The following MOB1B variants were observed in gnomAD, a reference collection of about 807,000 sequenced individuals.
The protein encoded by MOB1B is MOB1 Mps One Binder homolog B.
MOB1B carries 19 observed loss-of-function variants against 24.4 expected under a neutral mutation model. That is an observed-to-expected ratio of 0.78 (90% CI 0.54 to 1.14). The LOEUF is 1.14. Ranked by LOEUF, MOB1B falls within the 50% of genes most tolerant of loss-of-function variation. The pLI, the probability that MOB1B is intolerant of heterozygous loss-of-function variation, is 0.00. For missense variants in MOB1B, 243 were observed against 259.6 expected, an observed-to-expected ratio of 0.94 and a Z score of 0.44; for synonymous variants, 76 against 82.1, an observed-to-expected ratio of 0.93 and a Z score of 0.40.
At chr4:70,905,143 G>T (rs192793328) in intron 1 of MOB1B, among the ~76,000 whole-genome samples, 1 of 152,200 alleles carries the variant, frequency 6.6e-6, no homozygotes, top group East Asian at 1.9e-4. Context: ...AAAATCCAAA[G>T]TGAACACCAC....
chr4:70,906,505 A>G (rs540087255), intron 1 of MOB1B, among the ~76,000 whole-genome samples: 27 of 152,362 alleles, frequency 1.8e-4, no homozygotes, highest in African/African-American at 6.5e-4. Context: ...CTGAACATCA[A>G]TAAATCATGT....
chr4:70,978,667 A>C (rs1324424510), intron 4 of MOB1B, among the ~76,000 whole-genome samples: 1 of 152,248 alleles, frequency 6.6e-6, no homozygotes, highest in Non-Finnish European at 1.5e-5. Flanking sequence ...ATTTCAGGAC[A>C]AATGTAGACC....
rs774891305 is a variant in MOB1B at position 70,979,311 on chromosome 4, C to G, written c.573+20C>G. 1 of 1,595,386 alleles carries G rather than the reference C, an allele frequency of 6.3e-7. No homozygotes were observed. The highest frequency in any genetic ancestry group is 8.6e-7 in the Non-Finnish European group (1 of 1,166,360). On this transcript the variant is annotated intron_variant, in intron 5 of 5. Coordinates refer to ENST00000309395, the MANE Select transcript of MOB1B (RefSeq NM_173468.4). ...GTCCAGGTAAGTTGGATTAGGAGGC[C>G]TTTGGTGCTCAGGGTAAGCATTTAT...
chr4:70,971,670 A>G (rs1026364016), intron 3 of MOB1B, among the ~76,000 whole-genome samples: 7 of 152,270 alleles, frequency 4.6e-5, no homozygotes, highest in African/African-American at 1.4e-4. Context: ...TCTTGCCAGT[A>G]TTACTGGTGT....
At chr4:70,924,653 C>T (rs1418233420) in intron 1 of MOB1B, among the ~76,000 whole-genome samples, 1 of 152,164 alleles carries the variant, frequency 6.6e-6, no homozygotes, top group East Asian at 1.9e-4. Flanking sequence ...CACCAGCAGG[C>T]CACAGTGTGT....
rs546715389 is a variant in MOB1B at position 70,908,421 on chromosome 4, G to T, written c.14+5871G>T. On this transcript the variant is annotated intron_variant, in intron 1 of 5. Coordinates refer to ENST00000309395, the MANE Select transcript of MOB1B (RefSeq NM_173468.4). ...ACAGATGGATTGGGAAAAGAAGGAA[G>T]AAAGGAAGGAAATACTTACTGAGCA... 1.5e-4 allele frequency among the ~76,000 whole-genome samples: 23 copies of T among 151,156 alleles called. 1 individual carries two copies. In the South Asian group the frequency reaches 3.4e-3, roughly 22 times the overall value.
chr4:70,941,004 A>G (rs1737311244), intron 1 of MOB1B, among the ~76,000 whole-genome samples: 1 of 152,184 alleles, frequency 6.6e-6, no homozygotes. Context: ...CTTTTAATGT[A>G]TCTCAGCTTT....
chr4:70,913,937 ATG>A (rs924008803), intron 1 of MOB1B, among the ~76,000 whole-genome samples: 2 of 151,258 alleles, frequency 1.3e-5, no homozygotes, highest in African/African-American at 4.9e-5. Context: ...TTTAATACCA[ATG>A]TGTGCTGTGA....
chr4:70,951,679 C>T (rs1737812686), intron 1 of MOB1B, among the ~76,000 whole-genome samples: 1 of 152,224 alleles, frequency 6.6e-6, no homozygotes, highest in South Asian at 2.1e-4. Flanking sequence ...GAGGGGATTG[C>T]TTGAGCCTAG....
chr4:70,923,153 A>G (rs769581227), intron 1 of MOB1B, among the ~76,000 whole-genome samples: 4 of 152,128 alleles, frequency 2.6e-5, no homozygotes, highest in Admixed American at 6.5e-5. Context: ...TTTTCCCATT[A>G]AACAGTAAGC....
In MOB1B at chr4:70,902,486, C is replaced by T; in HGVS notation, c.-51C>T. Reference sequence around the variant, plus strand: ...CTTTCCTCTTCTTTCCTGGCCCACGCCGCTCCGAGGCCTCGCGACCGCCGA... The same window carrying T: ...CTTTCCTCTTCTTTCCTGGCCCACGTCGCTCCGAGGCCTCGCGACCGCCGA... On this transcript the variant is annotated 5_prime_UTR_variant, in exon 1 of 6. Coordinates refer to ENST00000309395, the MANE Select transcript of MOB1B (RefSeq NM_173468.4). The T allele has an allele frequency of 6.5e-7, 1 of 1,549,138 alleles. No individual in the cohort carries two copies. The highest frequency in any genetic ancestry group is 1.4e-5 in the African/African-American group (1 of 73,274).
chr4:70,956,643 G>A (rs1003511428), intron 1 of MOB1B, among the ~76,000 whole-genome samples: 3 of 151,634 alleles, frequency 2.0e-5, no homozygotes, highest in Admixed American at 6.6e-5. Flanking sequence ...TGCCCAGATT[G>A]GCCTGGGCTC....
At chr4:70,939,435 C>G (rs183711698) in intron 1 of MOB1B, among the ~76,000 whole-genome samples, 2 of 152,288 alleles carry the variant, frequency 1.3e-5, no homozygotes, top group Non-Finnish European at 2.9e-5. Context: ...ATCTCACACC[C>G]GTAATCACAG....
intron 1 of MOB1B, chr4:70,950,772 G>T (rs947210205): frequency 1.4e-5 from 21 of 1,534,170 alleles, no homozygotes; most frequent in Non-Finnish European, 1.8e-5. Context: ...TGTAGTGTTG[G>T]ACTTAGACCT....
intron 1 of MOB1B, among the ~76,000 whole-genome samples, chr4:70,924,054 GA>G (rs1403342719): frequency 1.3e-5 from 2 of 152,044 alleles, no homozygotes; most frequent in Non-Finnish European, 2.9e-5. Context: ...AACAATGGGG[GA>G]AAGGTATTTT....
At chr4:70,923,940 C>CAAA (rs34422316) in intron 1 of MOB1B, among the ~76,000 whole-genome samples, 6 of 54,272 alleles carry the variant, frequency 1.1e-4, no homozygotes, top group East Asian at 5.2e-4. Context: ...GAGTGAGACT[C>CAAA]AAAAAAAAAA....
chr4:70,910,181 C>T (rs1578342140), intron 1 of MOB1B, among the ~76,000 whole-genome samples: 1 of 151,624 alleles, frequency 6.6e-6, no homozygotes. Context: ...GCTGGGACTA[C>T]AGGCGTGTGC....
intron 1 of MOB1B, among the ~76,000 whole-genome samples, chr4:70,953,122 A>G (rs1737882852): frequency 6.6e-6 from 1 of 151,804 alleles, no homozygotes; most frequent in South Asian, 2.1e-4. Flanking sequence ...TGTTTTTAGC[A>G]GAGATAGGGT....
intron 5 of MOB1B, among the ~76,000 whole-genome samples, chr4:70,981,305 C>T (rs1448718554): frequency 6.6e-6 from 1 of 152,104 alleles, no homozygotes; most frequent in Non-Finnish European, 1.5e-5. Flanking sequence ...CTTACCATGG[C>T]AGAAGATCAG....
Sources: allele counts gnomAD v4.1 joint callset (sites outside exome capture counted in the v4.1 genomes callset), GRCh38; gene constraint gnomAD v4.1.1; transcripts MANE v1.5; gene names NCBI Gene and HGNC (gene_info 2026-07-23, HGNC 2026-07-21).